Variants in PDE10A observed in about 807,000 individuals in gnomAD.
PDE10A encodes phosphodiesterase 10A.
PDE10A carries 39 observed loss-of-function variants against 97.7 expected under a neutral mutation model. The ratio of observed to expected loss-of-function variants is 0.40; its 90% CI spans 0.31 to 0.52. The LOEUF is 0.52. Among genes scored for constraint, PDE10A ranks in the 20% least tolerant of loss-of-function variants. The probability of loss-of-function intolerance (pLI) is 0.56; values close to 1 mark genes in which losing one functional copy is unlikely to be tolerated. For missense variants in PDE10A, 731 were observed against 1,047.8 expected (o/e 0.70, Z 4.17); for synonymous variants, 371 against 376.8 (o/e 0.98, Z 0.18).
intron 1 of PDE10A, among the ~76,000 whole-genome samples, chr6:165,813,791 CA>C (rs5881663): frequency 6.7e-5 from 10 of 149,340 alleles, no homozygotes; most frequent in African/African-American, 2.2e-4. Context: ...TAATCGCAGA[CA>C]AAAAAAAAAA....
At chr6:165,735,413 G>A (rs150263496) in intron 1 of PDE10A, among the ~76,000 whole-genome samples, 1 of 152,088 alleles carries the variant, frequency 6.6e-6, no homozygotes, top group African/African-American at 2.4e-5. Flanking sequence ...TAGGTACATA[G>A]GTAGATAGGT....
At chr6:165,498,143 G>A (rs1780646919) in intron 2 of PDE10A, among the ~76,000 whole-genome samples, 1 of 151,914 alleles carries the variant, frequency 6.6e-6, no homozygotes, top group Non-Finnish European at 1.5e-5. Context: ...CAGGCACCAT[G>A]GCTCACAGCT....
intron 1 of PDE10A, among the ~76,000 whole-genome samples, chr6:165,622,039 G>C (rs1201033396): frequency 3.3e-5 from 5 of 152,212 alleles, no homozygotes; most frequent in Non-Finnish European, 7.3e-5. Flanking sequence ...CCAATCAGCT[G>C]CAGGCCTTTG....
At chr6:165,904,102 G>C (rs1782195551) in intron 1 of PDE10A, among the ~76,000 whole-genome samples, 1 of 152,150 alleles carries the variant, frequency 6.6e-6, no homozygotes. Flanking sequence ...GACGTAGGAG[G>C]GTTGTTATAC....
chr6:165,732,603 C>T (rs1792466821), intron 1 of PDE10A, among the ~76,000 whole-genome samples: 1 of 152,228 alleles, frequency 6.6e-6, no homozygotes, highest in African/African-American at 2.4e-5. Flanking sequence ...CATCTCTAAC[C>T]ATGTCATTAA....
chr6:165,918,833 A>G (rs1006139090), intron 1 of PDE10A, among the ~76,000 whole-genome samples: 7 of 152,072 alleles, frequency 4.6e-5, no homozygotes, highest in South Asian at 2.1e-4. Context: ...AGTTAATACT[A>G]CTAGTGAATG....
At chr6:165,681,762 G>C (rs1790984499) in intron 1 of PDE10A, among the ~76,000 whole-genome samples, 1 of 152,204 alleles carries the variant, frequency 6.6e-6, no homozygotes, top group Non-Finnish European at 1.5e-5. Flanking sequence ...CACAGGCACT[G>C]TACCCTGAAT....
intron 1 of PDE10A, among the ~76,000 whole-genome samples, chr6:165,694,215 C>A (rs1582944074): frequency 6.6e-6 from 1 of 152,318 alleles, no homozygotes; most frequent in East Asian, 1.9e-4. Context: ...TTTACAAAAT[C>A]AAAGACAGAG....
Position 165,662,851 on chromosome 6 carries a change from G to A in PDE10A, c.-40C>T, listed in dbSNP as rs1385446622. Among the ~76,000 whole-genome samples, 1 of 150,246 alleles carries A rather than the reference G, an allele frequency of 6.7e-6. No homozygotes were observed. The highest frequency in any genetic ancestry group is 1.5e-5 in the Non-Finnish European group (1 of 67,284). ...CCGCGGAGGGGCAGGCCGCGGGCGG[G>A]AGGGGCGCGGCGGGCCGGGGCTCGG... On this transcript the variant is annotated 5_prime_UTR_variant, in exon 1 of 22. Coordinates refer to ENST00000539869, the MANE Select transcript of PDE10A (RefSeq NM_001385079.1).
chr6:165,914,965 G>C (rs2128487096), intron 1 of PDE10A, among the ~76,000 whole-genome samples: 1 of 152,198 alleles, frequency 6.6e-6, no homozygotes, highest in East Asian at 1.9e-4. Context: ...TTAGAAGATG[G>C]GATGCTATTC....
intron 1 of PDE10A, among the ~76,000 whole-genome samples, chr6:165,616,428 T>C (rs1026184737): frequency 6.6e-6 from 1 of 152,114 alleles, no homozygotes; most frequent in Non-Finnish European, 1.5e-5. Context: ...CAAAAAAAAA[T>C]CCATGTTTTC....
At chr6:165,951,747 C>A (rs1300305126) in intron 1 of PDE10A, among the ~76,000 whole-genome samples, 4 of 152,170 alleles carry the variant, frequency 2.6e-5, no homozygotes, top group Admixed American at 1.3e-4. Context: ...TCTCCCACTG[C>A]CCTCAATTCT....
At position 165,720,782 on chromosome 6, in the gene PDE10A, A is replaced by C. The variant is rs115666277; in HGVS notation, c.-614-177214T>G. On this transcript the variant is annotated intron_variant, in intron 1 of 19. Coordinates refer to the PDE10A transcript ENST00000366882. ...TGATTGCTAGGAGGAGGGTTCTCTC[A>C]AACAAGTTTAGGATGATCAGACAAA... is the stretch of plus-strand genomic sequence containing the variant. Among the ~76,000 whole-genome samples, 1,088 of 152,308 alleles carry C rather than the reference A, an allele frequency of 7.1e-3. 11 individuals are homozygous for C. The highest frequency in any genetic ancestry group is 0.025 in the African/African-American group (1,020 of 41,566).
At chr6:165,359,610 T>TAA (rs1783254239) in intron 18 of PDE10A, among the ~76,000 whole-genome samples, 1 of 152,182 alleles carries the variant, frequency 6.6e-6, no homozygotes. Flanking sequence ...TTGAACATAT[T>TAA]TAGAGTCACT....
At chr6:165,489,184 A>C (rs1489650936) in intron 2 of PDE10A, among the ~76,000 whole-genome samples, 1 of 152,154 alleles carries the variant, frequency 6.6e-6, no homozygotes, top group African/African-American at 2.4e-5. Context: ...AAGGACCCTC[A>C]CAGAGTCCAT....
At chr6:165,772,170 A>G (rs1281252886) in intron 1 of PDE10A, among the ~76,000 whole-genome samples, 1 of 152,242 alleles carries the variant, frequency 6.6e-6, no homozygotes, top group Non-Finnish European at 1.5e-5. Context: ...GCAAGTACAA[A>G]GAATAAAGCA....
intron 1 of PDE10A, among the ~76,000 whole-genome samples, chr6:165,551,369 T>C (rs1784005645): frequency 6.6e-6 from 1 of 152,214 alleles, no homozygotes; most frequent in Non-Finnish European, 1.5e-5. Context: ...GCTAATAGCA[T>C]TTGTTAATAA....
intron 1 of PDE10A, among the ~76,000 whole-genome samples, chr6:165,766,090 C>G (rs1777843601): frequency 6.6e-6 from 1 of 152,184 alleles, no homozygotes; most frequent in African/African-American, 2.4e-5. Flanking sequence ...TAACTCTTCT[C>G]AGCTTGTTAG....
intron 2 of PDE10A, among the ~76,000 whole-genome samples, chr6:165,515,489 T>TAC (rs60583870): frequency 5.5e-4 from 82 of 148,122 alleles, no homozygotes; most frequent in East Asian, 9.7e-4. Context: ...ATTTATAGTA[T>TAC]ACACACACAC....
Sources: gnomAD v4.1 joint callset for allele counts (sites outside exome capture counted in the v4.1 genomes callset) on GRCh38, gnomAD v4.1.1 for gene constraint, MANE v1.5 for transcripts, NCBI Gene and HGNC (gene_info 2026-07-23, HGNC 2026-07-21) for gene names.